The following SEL1L3 variants were observed in gnomAD, a reference collection of about 807,000 sequenced individuals.
SEL1L3 encodes the protein SEL1L family member 3, also known as protein sel-1 homolog 3.
Under a neutral mutation model 142.8 loss-of-function variants are expected in SEL1L3, and 76 were observed. That is an observed-to-expected ratio of 0.53 (90% CI 0.44 to 0.64). The LOEUF (loss-of-function observed/expected upper bound fraction) is 0.64, where lower values mean the gene tolerates loss of function less well. SEL1L3 is among the 30% of genes least tolerant of loss of function. SEL1L3 has a pLI of 0.00. For missense variants in SEL1L3, 1,262 were observed against 1,381.7 expected (o/e 0.91, Z 1.37); for synonymous variants, 504 against 519.6 (o/e 0.97, Z 0.41).
intron 23 of SEL1L3, among the ~76,000 whole-genome samples, chr4:25,751,215 T>A (rs146321230): frequency 2.5e-3 from 374 of 152,292 alleles, no homozygotes; most frequent in Non-Finnish European, 3.8e-3. Context: ...AAGGCAATTA[T>A]GCTTGGTGTA....
At chr4:25,843,295 G>A (rs894450868) in intron 2 of SEL1L3, among the ~76,000 whole-genome samples, 2 of 152,066 alleles carry the variant, frequency 1.3e-5, no homozygotes, top group African/African-American at 2.4e-5. Flanking sequence ...AGGAGGGTAC[G>A]ACGGGCAAAA....
chr4:25,766,779 T>C (rs1205807937), intron 19 of SEL1L3, among the ~76,000 whole-genome samples: 2 of 152,036 alleles, frequency 1.3e-5, no homozygotes, highest in Non-Finnish European at 2.9e-5. Context: ...GAGACAAAGG[T>C]AGAAGTACTT....
At chr4:25,774,756 A>AATTGCTTG (rs1719487137) in intron 17 of SEL1L3, among the ~76,000 whole-genome samples, 1 of 152,146 alleles carries the variant, frequency 6.6e-6, no homozygotes, top group African/African-American at 2.4e-5. Flanking sequence ...TACTCAGGAG[A>AATTGCTTG]ATTGCTTGAA....
At chr4:25,812,264 T>C (rs532913904) in intron 9 of SEL1L3, among the ~76,000 whole-genome samples, 2 of 152,302 alleles carry the variant, frequency 1.3e-5, no homozygotes, top group Admixed American at 1.3e-4. Context: ...GCTGTTATGT[T>C]CCCACTCAGA....
At chr4:25,833,325 G>A in intron 4 of SEL1L3, 123 bp downstream of exon 4, 1 of 922,972 alleles carries the variant, frequency 1.1e-6, no homozygotes, top group Non-Finnish European at 1.6e-6. Context: ...ACATTTGGAA[G>A]TCATTGCTCT....
At chr4:25,774,778 G>A (rs1301304561) in intron 17 of SEL1L3, among the ~76,000 whole-genome samples, 1 of 152,232 alleles carries the variant, frequency 6.6e-6, no homozygotes, top group Non-Finnish European at 1.5e-5. Context: ...CCGGCAGGCG[G>A]AGGCTGCAGT....
upstream of SEL1L3, among the ~76,000 whole-genome samples, chr4:25,863,144 G>A (rs1206594637): frequency 7.1e-6 from 1 of 141,428 alleles, no homozygotes; most frequent in Non-Finnish European, 1.6e-5. Flanking sequence ...GGAGCAGCGG[G>A]CGCCCACGCA....
At chr4:25,739,761 TGTG>T in the SEL1L3 span, among the ~76,000 whole-genome samples, 1 of 37,028 alleles carries the variant, frequency 2.7e-5, no homozygotes, top group Non-Finnish European at 4.4e-5. Context: ...GAAAAAATAA[TGTG>T]TGTGTGTGTG....
chr4:25,765,211 C>T (rs1162454651), intron 20 of SEL1L3, 115 bp downstream of exon 20: 1 of 708,532 alleles, frequency 1.4e-6, no homozygotes, highest in Non-Finnish European at 2.5e-6. Context: ...TCAGGCTGGT[C>T]CCGAATTCCT....
chr4:25,777,446 T>A (rs1025580937), intron 16 of SEL1L3, among the ~76,000 whole-genome samples: 2 of 152,052 alleles, frequency 1.3e-5, no homozygotes, highest in African/African-American at 4.8e-5. Context: ...AAAAGAAACA[T>A]CAGAAAGGAT....
the SEL1L3 span, among the ~76,000 whole-genome samples, chr4:25,725,318 C>CTTT: frequency 6.7e-3 from 929 of 139,476 alleles, 16 homozygotes; most frequent in African/African-American, 0.022. Flanking sequence ...TGCTGGTTGG[C>CTTT]TTTTTTTTTT....
chr4:25,733,617 T>C, the SEL1L3 span, among the ~76,000 whole-genome samples: 1 of 150,096 alleles, frequency 6.7e-6, no homozygotes, highest in African/African-American at 2.4e-5. Context: ...GCCTCCCAGA[T>C]TCAAGTGATT....
chr4:25,722,441 A>T, the SEL1L3 span, among the ~76,000 whole-genome samples: 1 of 152,120 alleles, frequency 6.6e-6, no homozygotes, highest in Non-Finnish European at 1.5e-5. Context: ...TAAGATGAAC[A>T]TGCCTCACTT....
At chr4:25,739,678 G>C in the SEL1L3 span, among the ~76,000 whole-genome samples, 1 of 151,280 alleles carries the variant, frequency 6.6e-6, no homozygotes, top group Admixed American at 6.6e-5. Context: ...CTGCACTCCA[G>C]CCTGGTGACA....
chr4:25,786,609 T>C (rs540396285), intron 13 of SEL1L3, among the ~76,000 whole-genome samples: 3 of 152,306 alleles, frequency 2.0e-5, no homozygotes, highest in South Asian at 2.1e-4. Context: ...TCTGTGCTTA[T>C]TGATCTAGGT....
At chr4:25,757,507 T>C (rs1422780509) in intron 23 of SEL1L3, 27 bp downstream of exon 23, 2 of 1,438,612 alleles carry the variant, frequency 1.4e-6, no homozygotes, top group South Asian at 1.3e-5. Context: ...TTTTAATATA[T>C]TGCTTTCGCT....
downstream of SEL1L3, among the ~76,000 whole-genome samples, chr4:25,744,116 A>C (rs950837896): frequency 3.3e-5 from 5 of 152,086 alleles, no homozygotes; most frequent in Non-Finnish European, 5.9e-5. Flanking sequence ...TCCCAACCTC[A>C]TTTGGAGCTG....
intron 1 of SEL1L3, among the ~76,000 whole-genome samples, chr4:25,857,628 G>A (rs1253013276): frequency 6.6e-6 from 1 of 152,216 alleles, no homozygotes; most frequent in African/African-American, 2.4e-5. Flanking sequence ...GAGAGGGTAA[G>A]TAACTTGCCC....
At chr4:25,812,028 C>T (rs913114713) in intron 9 of SEL1L3, among the ~76,000 whole-genome samples, 6 of 152,310 alleles carry the variant, frequency 3.9e-5, no homozygotes, top group South Asian at 2.1e-4. Flanking sequence ...TCGCTCACTC[C>T]GTGGCAAGCT....
Sources: gnomAD v4.1 joint callset for allele counts (sites outside exome capture counted in the v4.1 genomes callset) on GRCh38, gnomAD v4.1.1 for gene constraint, MANE v1.5 for transcripts, NCBI Gene and HGNC (gene_info 2026-07-23, HGNC 2026-07-21) for gene names.